Variants in ZNF454 observed in about 807,000 individuals in gnomAD.
ZNF454 encodes the protein zinc finger protein 454.
In ZNF454, 30 loss-of-function variants were observed where a neutral mutation model predicts 48.2. That is an observed-to-expected ratio of 0.62 (90% confidence interval 0.47 to 0.84). The LOEUF is 0.84. Ranked by LOEUF, ZNF454 falls within the 40% of genes least tolerant of loss-of-function variation. The pLI is 0.00. For missense variants in ZNF454, 510 were observed against 623.1 expected (o/e 0.82, Z 1.93); for synonymous variants, 204 against 211.4 (o/e 0.97, Z 0.30).
chr5:178,964,750 AG>A lies in ZNF454; in HGVS notation c.347del (p.Ser116ThrfsTer44). On this transcript the variant is annotated frameshift_variant, in exon 5 of 5. Coordinates refer to ENST00000519564, the MANE Select transcript of ZNF454 (RefSeq NM_001178089.3). LOFTEE classifies it high-confidence loss of function. The part of the protein sequence containing the change: ...DQWTIKERFS[S>X]SSHWKCASLL... ...ATGGACAATAAAGGAAAGATTCAGT[AG>A]CAGTAGTCACTGGAAGTGTGCTAGC... The A allele has an allele frequency of 6.2e-7, 1 of 1,614,250 alleles. No individual in the cohort carries two copies. The highest frequency in any genetic ancestry group is 8.5e-7 in the Non-Finnish European group (1 of 1,180,036).
At chr5:178,942,577 C>G (rs909075702) in intron 1 of ZNF454, 108 bp from the exon 2 acceptor site, 14 of 522,940 alleles carry the variant, frequency 2.7e-5, no homozygotes, top group Non-Finnish European at 4.1e-5. Context: ...CAAACAGGAA[C>G]CAAAACACTC....
intron 4 of ZNF454, among the ~76,000 whole-genome samples, chr5:178,948,432 A>G (rs1159197060): frequency 6.6e-6 from 1 of 152,228 alleles, no homozygotes; most frequent in Non-Finnish European, 1.5e-5. Flanking sequence ...CACTGTTTTC[A>G]CCTAAATCAT....
the ZNF454 span, chr5:178,986,454 A>G: frequency 4.3e-6 from 7 of 1,612,526 alleles, no homozygotes; most frequent in South Asian, 1.1e-5. Context: ...CCACCGTGGT[A>G]GTGGCCACGA....
Position 178,965,606 on chromosome 5 carries a change from G to C in ZNF454, c.1202G>C (p.Arg401Pro), listed in dbSNP as rs780417342. The C allele has an allele frequency of 1.2e-6, 2 of 1,613,386 alleles. No individual in the cohort carries two copies. Among genetic ancestry groups the C allele is most frequent in the African/African-American group, 1.3e-5 (1 of 74,724 alleles). Residue 401 changes from arginine (R) to proline (P), a missense_variant, in exon 5 of 5, where the codon CGA becomes CCA. Around this residue, in one of 3 missense-constraint regions of ZNF454, gnomAD observed 153 missense variants for 195.8 expected, o/e 0.78. Transcript: ENST00000519564. This position sits in a 1 kb window ranked among gnomAD's most constrained non-coding sequence, Gnocchi z 5.2. ...TTCAGGGATAATTCATCCTTTGCACGACATCGGAAAATTCACACTGGAGAG... is the reference window on the plus strand; with the variant it reads ...TTCAGGGATAATTCATCCTTTGCACCACATCGGAAAATTCACACTGGAGAG... ...KAFRDNSSFA[R>P]HRKIHTGEKP...
At chr5:178,959,020 C>CTTTTTTTTTT (rs59427023) in intron 4 of ZNF454, among the ~76,000 whole-genome samples, 5 of 149,148 alleles carry the variant, frequency 3.4e-5, no homozygotes, top group Non-Finnish European at 3.0e-5. Context: ...CATCAGAGGT[C>CTTTTTTTTTT]TTTTTTTTTT....
chr5:178,966,048 A>C lies in ZNF454; in HGVS notation c.*75A>C. The C allele has an allele frequency of 8.2e-7, 1 of 1,222,466 alleles. No individual in the cohort carries two copies. The highest frequency in any genetic ancestry group is 1.1e-6 in the Non-Finnish European group (1 of 875,606). The allele number at this position is 1,222,466 out of a possible 1,614,324, so 75.7% of individuals were successfully genotyped here. ...TTGAATGTGAGATAATCCGTTCTAGAGAATAACTATGAAAGCTTGCATCAA... is the reference window on the plus strand; with the variant it reads ...TTGAATGTGAGATAATCCGTTCTAGCGAATAACTATGAAAGCTTGCATCAA... On this transcript the variant is annotated 3_prime_UTR_variant, in exon 5 of 5. Transcript: ENST00000519564.
chr5:178,959,253 C>T (rs1159714749), intron 4 of ZNF454, among the ~76,000 whole-genome samples: 1 of 152,142 alleles, frequency 6.6e-6, no homozygotes, highest in Non-Finnish European at 1.5e-5. Context: ...TGCACTGTCA[C>T]CTTTGTCATA....
intron 4 of ZNF454, among the ~76,000 whole-genome samples, chr5:178,956,435 TCAACACAGTTCTCCGGCCC>T (rs1475661093): frequency 6.7e-5 from 10 of 148,286 alleles, no homozygotes; most frequent in African/African-American, 2.2e-4. Flanking sequence ...GCTTCAGTCT[TCAACACAGTTCTCCGGCCC>T]CAACACAGTT....
chr5:178,947,915 T>G (rs1360225159), intron 4 of ZNF454, among the ~76,000 whole-genome samples: 2 of 152,188 alleles, frequency 1.3e-5, no homozygotes, highest in Non-Finnish European at 2.9e-5. Context: ...AATATCTCTT[T>G]ATTTTTTTTT....
intron 4 of ZNF454, among the ~76,000 whole-genome samples, chr5:178,948,626 G>T (rs1355975555): frequency 6.6e-6 from 1 of 152,104 alleles, no homozygotes; most frequent in African/African-American, 2.4e-5. Context: ...CTCTGTTCCC[G>T]CAGGCATGAT....
At chr5:178,942,526 C>A in intron 1 of ZNF454, 159 bp from the exon 2 acceptor site, 1 of 425,696 alleles carries the variant, frequency 2.3e-6, no homozygotes, top group Non-Finnish European at 4.2e-6. Flanking sequence ...AGGGAAAAGT[C>A]AATGTATAGT....
chr5:178,967,745 T>TTCC (rs1760186070), downstream of ZNF454, among the ~76,000 whole-genome samples: 1 of 101,938 alleles, frequency 9.8e-6, no homozygotes, highest in Non-Finnish European at 2.2e-5. Flanking sequence ...TCTTTTTCTT[T>TTCC]TTTTTTTTTT....
the ZNF454 span, among the ~76,000 whole-genome samples, chr5:178,973,247 G>A: frequency 4.0e-5 from 6 of 151,824 alleles, no homozygotes; most frequent in Non-Finnish European, 7.4e-5. Context: ...TTCATGCAGG[G>A]GACCTTGGCA....
chr5:178,989,541 C>T, the ZNF454 span: 1 of 1,109,738 alleles, frequency 9.0e-7, no homozygotes, highest in Non-Finnish European at 1.4e-6. Flanking sequence ...CTAGGCATGG[C>T]CAGGTGAGCT....
intron 4 of ZNF454, among the ~76,000 whole-genome samples, chr5:178,956,053 T>C (rs1411457605): frequency 6.6e-6 from 1 of 152,198 alleles, no homozygotes; most frequent in Non-Finnish European, 1.5e-5. Flanking sequence ...ACCACATTTG[T>C]CATTTACCTC....
intron 2 of ZNF454, among the ~76,000 whole-genome samples, chr5:178,945,216 GTGTGTGTGTCTC>G (rs768160684): frequency 6.6e-6 from 1 of 151,542 alleles, no homozygotes; most frequent in Non-Finnish European, 1.5e-5. Flanking sequence ...CTGTGTGTTT[GTGTGTGTGTCTC>G]TGTGTGTGTA....
In ZNF454 at chr5:178,966,149, G is replaced by A. The variant is rs540735310; in HGVS notation, c.*176G>A. On this transcript the variant is annotated 3_prime_UTR_variant, in exon 5 of 5. Coordinates refer to ENST00000519564, the MANE Select transcript of ZNF454 (RefSeq NM_001178089.3). Reference sequence around the variant, plus strand: ...GGGCATTTAAGAATGGCAAACACTCGGCTGGGCACAGTGGCTCACGTCTGT... The same window carrying A: ...GGGCATTTAAGAATGGCAAACACTCAGCTGGGCACAGTGGCTCACGTCTGT... 17 of 587,560 alleles carry A rather than the reference G, an allele frequency of 2.9e-5. No individual in the cohort carries two copies. The highest frequency in any genetic ancestry group is 1.3e-4 in the South Asian group (4 of 31,882). The allele number at this position is 587,560 out of a possible 1,614,324, so 36.4% of individuals were successfully genotyped here. A position where few individuals can be genotyped will look rare whatever the true frequency, so the allele number is the denominator to read the frequency against.
chr5:178,942,834 G>A lies in ZNF454; in HGVS notation c.33+10G>A. 6.2e-7 allele frequency: 1 copy of A among 1,611,098 alleles called. No individual in the cohort carries two copies. Among genetic ancestry groups the A allele is most frequent in the Non-Finnish European group, 8.5e-7 (1 of 1,178,844 alleles). The stretch of plus-strand genomic sequence containing the variant: ...GCCAACCATGGTCCAGGTGAGTGGG[G>A]GTTTCTTCCCCCTAAATTGCTTTCT... On this transcript the variant is annotated intron_variant, in intron 2 of 4. Transcript: ENST00000519564.
At chr5:178,947,049 G>A in intron 4 of ZNF454, 63 bp downstream of exon 4, 1 of 1,399,344 alleles carries the variant, frequency 7.1e-7, no homozygotes. Flanking sequence ...GGCTCCGTAG[G>A]GAAGGCAGGG....
Sources: allele counts gnomAD v4.1 joint callset (sites outside exome capture counted in the v4.1 genomes callset), GRCh38; gene constraint gnomAD v4.1.1; regional missense constraint gnomAD v4.1.1; non-coding constraint Gnocchi (gnomAD v3.1); transcripts MANE v1.5; gene names NCBI Gene and HGNC (gene_info 2026-07-23, HGNC 2026-07-21).